The following DNAH5 variants were observed in gnomAD, a reference collection of about 807,000 sequenced individuals.
The protein encoded by DNAH5 is axonemal beta dynein heavy chain 5.
A neutral mutation model predicts 518.2 loss-of-function variants in DNAH5; 372 were observed. The observed-to-expected ratio is 0.72, with a 90% CI of 0.66 to 0.78. The LOEUF (loss-of-function observed/expected upper bound fraction) is 0.78. Among genes scored for constraint, DNAH5 ranks in the 30% least tolerant of loss-of-function variants. DNAH5 has a pLI of 0.00. For missense variants in DNAH5, 5,523 were observed against 5,687.0 expected (o/e 0.97, Z 0.93); for synonymous variants, 2,039 against 2,025.9 (o/e 1.01, Z -0.17).
chr5:13,949,155 T>A (rs1211363612), upstream of DNAH5, among the ~76,000 whole-genome samples: 1 of 152,156 alleles, frequency 6.6e-6, no homozygotes, highest in East Asian at 1.9e-4. Flanking sequence ...AGCAGAGGAA[T>A]CTAGAAAAAG....
intron 51 of DNAH5, among the ~76,000 whole-genome samples, chr5:13,787,845 T>C (rs1465163832): frequency 2.0e-5 from 3 of 152,228 alleles, no homozygotes; most frequent in Non-Finnish European, 4.4e-5. Context: ...TCAGAAACTT[T>C]TGATAGTTCA....
At chr5:13,720,716 C>T (rs1368136813) in intron 71 of DNAH5, among the ~76,000 whole-genome samples, 5 of 152,070 alleles carry the variant, frequency 3.3e-5, no homozygotes, top group Admixed American at 3.3e-4. Context: ...CCATCTTCAC[C>T]CACAGAATCC....
intron 65 of DNAH5, among the ~76,000 whole-genome samples, chr5:13,744,286 G>A (rs1299905045): frequency 2.0e-5 from 3 of 151,756 alleles, no homozygotes; most frequent in African/African-American, 7.3e-5. Flanking sequence ...AAAAAAAAAT[G>A]TTGATCTCAT....
rs1382955783 is a variant in DNAH5, at chr5:13,922,308, T to C, written c.459A>G (p.Leu153=). The C allele has an allele frequency of 1.2e-6, 2 of 1,613,962 alleles. No individual in the cohort carries two copies. The highest frequency in any genetic ancestry group is 2.2e-5 in the South Asian group (2 of 91,072). Residue 153 remains leucine, a synonymous_variant, in exon 5 of 79, where the codon TTA becomes TTG. Transcript: ENST00000265104. ...TGAGCAGGCCTCCATCTGCCGCATC[T>C]AACATGTTAAAACTCACCTCCTGGA... The part of the protein sequence containing the change: ...NIHQEVSFNM[L]DAADGGLLNS...
At chr5:13,817,968 T>C (rs1761682739) in intron 41 of DNAH5, among the ~76,000 whole-genome samples, 1 of 152,206 alleles carries the variant, frequency 6.6e-6, no homozygotes, top group South Asian at 2.1e-4. Context: ...AAGGTACTAA[T>C]ATAATCTGGA....
intron 21 of DNAH5, among the ~76,000 whole-genome samples, chr5:13,878,528 T>G (rs981067577): frequency 7.9e-5 from 12 of 152,170 alleles, no homozygotes; most frequent in African/African-American, 2.9e-4. Flanking sequence ...GAGCCACAGC[T>G]GAGCACTTCA....
intron 9 of DNAH5, among the ~76,000 whole-genome samples, chr5:13,915,606 T>C (rs1776562667): frequency 6.6e-6 from 1 of 152,094 alleles, no homozygotes; most frequent in African/African-American, 2.4e-5. Context: ...AGGAAAACGT[T>C]TCCTATTGAG....
chr5:13,742,026 C>T (rs565813600), intron 65 of DNAH5, among the ~76,000 whole-genome samples: 1 of 152,014 alleles, frequency 6.6e-6, no homozygotes, highest in African/African-American at 2.4e-5. Context: ...TCATTTCTGG[C>T]CAAATTTTCA....
In DNAH5 at chr5:13,841,148, G is replaced by T; in HGVS notation, c.5485-18C>A. 1 of 1,591,098 alleles carries T rather than the reference G, an allele frequency of 6.3e-7. No homozygotes were observed. On this transcript the variant is annotated intron_variant, in intron 33 of 78. Coordinates refer to ENST00000265104, the MANE Select transcript of DNAH5 (RefSeq NM_001369.3). Reference sequence around the variant, plus strand: ...AATCCAACCTTATGGAAATAAAAAAGGCTTCATGAATTTGTATGGCATATT... The same window carrying T: ...AATCCAACCTTATGGAAATAAAAAATGCTTCATGAATTTGTATGGCATATT...
intron 61 of DNAH5, among the ~76,000 whole-genome samples, 180 bp from the exon 62 acceptor site, chr5:13,754,518 C>T (rs539857162): frequency 6.6e-6 from 1 of 152,186 alleles, no homozygotes; most frequent in South Asian, 2.1e-4. Flanking sequence ...TCTCCTTTGC[C>T]CTGTCCTCTC....
intron 1 of DNAH5, among the ~76,000 whole-genome samples, chr5:13,966,200 G>GGT (rs1185939078): frequency 4.1e-5 from 6 of 145,232 alleles, no homozygotes; most frequent in Admixed American, 7.0e-5. Context: ...AGTATTCCAT[G>GGT]GTGTGTGTGT....
At chr5:13,806,935 G>A (rs1393445732) in intron 47 of DNAH5, among the ~76,000 whole-genome samples, 1 of 152,180 alleles carries the variant, frequency 6.6e-6, no homozygotes, top group Non-Finnish European at 1.5e-5. Context: ...AGCTAGGGTG[G>A]AATGTTAAGT....
At chr5:14,009,120 ACT>A (rs1784937075) in intron 1 of DNAH5, among the ~76,000 whole-genome samples, 1 of 152,226 alleles carries the variant, frequency 6.6e-6, no homozygotes, top group African/African-American at 2.4e-5. Flanking sequence ...CAGTTGCTCA[ACT>A]CTTTTTTTGT....
chr5:13,778,878 A>T (rs75634218), intron 53 of DNAH5, among the ~76,000 whole-genome samples: 2,522 of 152,296 alleles, frequency 0.017, 79 homozygotes, highest in African/African-American at 0.058. Context: ...TCAGTAATGG[A>T]TCATTCCCAG....
chr5:13,735,817 C>T lies in DNAH5; in HGVS notation c.11570+1G>A. 1 of 1,613,260 alleles carries T rather than the reference C, an allele frequency of 6.2e-7. No individual in the cohort carries two copies. The highest frequency in any genetic ancestry group is 8.5e-7 in the Non-Finnish European group (1 of 1,179,182). Reference sequence around the variant, plus strand: ...GCTTGGCTTCCCGCGTACAGACGTACCTGGCTAAGGAAAGGTCAAATAAGC... The same window carrying T: ...GCTTGGCTTCCCGCGTACAGACGTATCTGGCTAAGGAAAGGTCAAATAAGC... On this transcript the variant is annotated splice_donor_variant, in intron 67 of 78. Coordinates refer to ENST00000265104, the MANE Select transcript of DNAH5 (RefSeq NM_001369.3). LOFTEE classifies it high-confidence loss of function.
chr5:13,866,203 G>T lies in DNAH5; in HGVS notation c.4116+17C>A. ...AAGTTTCATTGTTTAGAAAGTCATA[G>T]AAACTAAAAAGATTACCTGAAACAT... On this transcript the variant is annotated intron_variant, in intron 26 of 78. Coordinates refer to ENST00000265104, the MANE Select transcript of DNAH5 (RefSeq NM_001369.3). 6.2e-7 allele frequency: 1 copy of T among 1,611,668 alleles called. No homozygotes were observed. Among genetic ancestry groups the T allele is most frequent in the South Asian group, 1.1e-5 (1 of 90,866 alleles).
intron 50 of DNAH5, 102 bp from the exon 51 acceptor site, chr5:13,789,016 T>C (rs956671509): frequency 6.3e-6 from 7 of 1,102,938 alleles, no homozygotes; most frequent in African/African-American, 1.6e-5. Flanking sequence ...TGATTTAAGA[T>C]TCAACATTTT....
At chr5:13,943,934 C>T (rs1779693177) in intron 1 of DNAH5, among the ~76,000 whole-genome samples, 1 of 152,220 alleles carries the variant, frequency 6.6e-6, no homozygotes, top group African/African-American at 2.4e-5. Flanking sequence ...TCCAAAGGCA[C>T]AGCCTTGCAT....
At chr5:13,901,172 A>C (rs2151962578) in intron 14 of DNAH5, 80 bp downstream of exon 14, 2 of 1,487,402 alleles carry the variant, frequency 1.3e-6, no homozygotes, top group Non-Finnish European at 1.8e-6. Context: ...CCAGCTTTCT[A>C]AAGAAATAAC....
Sources: gnomAD v4.1 joint callset for allele counts (sites outside exome capture counted in the v4.1 genomes callset) on GRCh38, gnomAD v4.1.1 for gene constraint, MANE v1.5 for transcripts, NCBI Gene and HGNC (gene_info 2026-07-23, HGNC 2026-07-21) for gene names.